The following C2orf92 variants were observed in gnomAD, a reference collection of about 807,000 sequenced individuals.
The protein encoded by C2orf92 is uncharacterized protein C2orf92.
chr2:97,680,843 A>G (rs1308408907), intron 3 of C2orf92, among the ~76,000 whole-genome samples: 3 of 151,992 alleles, frequency 2.0e-5, no homozygotes, highest in East Asian at 1.9e-4. Flanking sequence ...GGAGAATGGC[A>G]TGAACCCGGG....
In C2orf92 at chr2:97,686,487, T is replaced by C. The variant is rs555864550; in HGVS notation, c.233-2408T>C. ...CAGGCTGGAGTGCAATGGCGCGATA[T>C]CAGCTCACTGCAACCCCTGCCTCCC... is the stretch of plus-strand genomic sequence containing the variant. On this transcript the variant is annotated intron_variant, in intron 3 of 7. Transcript: ENST00000627399. Among the ~76,000 whole-genome samples the C allele has an allele frequency of 7.9e-5, 12 of 152,166 alleles. 1 individual carries two copies. In the South Asian group the frequency reaches 1.9e-3, roughly 24 times the overall value.
At chr2:97,678,941 G>A (rs994738418) in intron 3 of C2orf92, among the ~76,000 whole-genome samples, 2 of 150,990 alleles carry the variant, frequency 1.3e-5, no homozygotes, top group African/African-American at 2.4e-5. Context: ...TTGCCCCACT[G>A]CATTCCAGCC....
intron 3 of C2orf92, among the ~76,000 whole-genome samples, chr2:97,680,707 A>G (rs537111942): frequency 2.0e-5 from 3 of 152,124 alleles, no homozygotes; most frequent in African/African-American, 7.2e-5. Context: ...CGGGCGGATC[A>G]TGAGGTCAGG....
intron 3 of C2orf92, among the ~76,000 whole-genome samples, chr2:97,682,456 C>G (rs566726771): frequency 3.3e-4 from 51 of 152,300 alleles, no homozygotes; most frequent in African/African-American, 1.2e-3. Flanking sequence ...CTGGCTTACT[C>G]TAAGAGGCCA....
chr2:97,694,235 T>C (rs1473210406), intron 5 of C2orf92, among the ~76,000 whole-genome samples: 3 of 151,476 alleles, frequency 2.0e-5, no homozygotes, highest in Non-Finnish European at 4.4e-5. Context: ...AAATGTCCTT[T>C]CTTTCTTTCT....
chr2:97,673,913 A>G (rs1205471682), intron 1 of C2orf92, among the ~76,000 whole-genome samples: 1 of 152,194 alleles, frequency 6.6e-6, no homozygotes, highest in East Asian at 1.9e-4. Flanking sequence ...TCCTCTGTAC[A>G]ATAATGGGTC....
At chr2:97,690,471 C>T (rs1676093850) in intron 5 of C2orf92, 144 bp downstream of exon 5, 1 of 376,156 alleles carries the variant, frequency 2.7e-6, no homozygotes, top group African/African-American at 2.1e-5. Context: ...AACTCTGCCT[C>T]CCAGGTTCAC....
chr2:97,665,278 G>A (rs932030531), upstream of C2orf92, among the ~76,000 whole-genome samples: 17 of 152,190 alleles, frequency 1.1e-4, no homozygotes, highest in African/African-American at 2.4e-5. Context: ...ATTGAAGCGG[G>A]TGTGCAGAAA....
At chr2:97,676,433 CAAAAAAAAAAAAAAAGAA>C (rs1407275191) in intron 3 of C2orf92, among the ~76,000 whole-genome samples, 22 of 31,114 alleles carry the variant, frequency 7.1e-4, no homozygotes, top group Admixed American at 5.5e-3. Flanking sequence ...GACTCCATCT[CAAAAAAAAAAAAAAAGAA>C]AAAAAAAAAA....
chr2:97,663,948 G>T, upstream of C2orf92: 1 of 996,306 alleles, frequency 1.0e-6, no homozygotes, highest in South Asian at 3.3e-5. Flanking sequence ...CGGATGGGCG[G>T]GCGGGCGGGA....
At chr2:97,683,980 T>C (rs1387327381) in intron 3 of C2orf92, among the ~76,000 whole-genome samples, 1 of 149,040 alleles carries the variant, frequency 6.7e-6, no homozygotes, top group Non-Finnish European at 1.5e-5. Context: ...TTCTCCTGCC[T>C]CAGCCTCCCT....
At position 97,695,736 on chromosome 2, in the gene C2orf92, C is replaced by CTTTCTTTTCTTTTCT. The variant is rs372334285; in HGVS notation, c.404-3276_404-3262dup. 3.5e-3 allele frequency among the ~76,000 whole-genome samples: 536 copies of CTTTCTTTTCTTTTCT among 151,392 alleles called. 3 individuals are homozygous for CTTTCTTTTCTTTTCT. The highest frequency in any genetic ancestry group is 0.012 in the African/African-American group (512 of 41,030). On this transcript the variant is annotated intron_variant, in intron 5 of 7. Coordinates refer to ENST00000627399, the MANE Select transcript of C2orf92 (RefSeq NM_001351368.2). ...AGGACAACATTTTTTCTTTTATTTT[C>CTTTCTTTTCTTTTCT]TTTCTTTTCTTTTCTTTTCTTTTCT...
intron 1 of C2orf92, chr2:97,672,535 C>A (rs1043576066): frequency 6.6e-6 from 1 of 151,896 alleles, no homozygotes; most frequent in Non-Finnish European, 1.5e-5. Flanking sequence ...GCAGGTGACC[C>A]CAGTGTCTCT....
Position 97,672,388 on chromosome 2 carries a change from C to T in C2orf92, c.47-2068C>T, listed in dbSNP as rs571289996. The stretch of plus-strand genomic sequence containing the variant: ...CCCACGGGAGCCATCACAGAGGCCT[C>T]GGGCAGTCTGCATAGACAACTGCCT... On this transcript the variant is annotated intron_variant, in intron 1 of 7. Transcript: ENST00000627399. The T allele has an allele frequency of 2.5e-3, 381 of 151,658 alleles. 2 individuals carry two copies. Among genetic ancestry groups the T allele is most frequent in the African/African-American group, 8.7e-3 (359 of 41,320 alleles). The allele number at this position is 151,658 out of a possible 1,614,324, so 9.4% of individuals were successfully genotyped here. A position where few individuals can be genotyped will look rare whatever the true frequency, so the allele number is the denominator to read the frequency against.
intron 5 of C2orf92, among the ~76,000 whole-genome samples, chr2:97,698,493 C>T (rs1458125300): frequency 6.6e-6 from 1 of 152,236 alleles, no homozygotes; most frequent in African/African-American, 2.4e-5. Context: ...CTTGTCCTCG[C>T]AACTCAAGAA....
chr2:97,697,678 G>A (rs186425705), intron 5 of C2orf92, among the ~76,000 whole-genome samples: 1 of 152,094 alleles, frequency 6.6e-6, no homozygotes, highest in Non-Finnish European at 1.5e-5. Flanking sequence ...ACACCCACAT[G>A]ATGGTCTTAA....
At chr2:97,667,932 T>C (rs1382376274), upstream of C2orf92, 1 of 152,168 alleles carries the variant, frequency 6.6e-6, no homozygotes, top group Non-Finnish European at 1.5e-5. Context: ...CCAGGGCACT[T>C]CCACCCCTGG....
At chr2:97,692,927 C>G (rs771839150) in intron 5 of C2orf92, among the ~76,000 whole-genome samples, 1 of 144,490 alleles carries the variant, frequency 6.9e-6, no homozygotes, top group East Asian at 2.1e-4. Flanking sequence ...ATCTAGCCTT[C>G]CATCTACACA....
At chr2:97,679,349 A>G (rs1170349255) in intron 3 of C2orf92, among the ~76,000 whole-genome samples, 2 of 152,224 alleles carry the variant, frequency 1.3e-5, no homozygotes, top group African/African-American at 2.4e-5. Flanking sequence ...TGTAATAACA[A>G]CAATATAAAG....
Sources: gnomAD v4.1 joint callset for allele counts (sites outside exome capture counted in the v4.1 genomes callset) on GRCh38, gnomAD v4.1.1 for gene constraint, MANE v1.5 for transcripts, NCBI Gene and HGNC (gene_info 2026-07-23, HGNC 2026-07-21) for gene names.